Variants in SPNS3 observed in about 807,000 individuals in gnomAD.
SPNS3 encodes the protein SPNS lysolipid transporter 3, sphingosine-1-phosphate (putative).
Under a neutral mutation model 54.4 loss-of-function variants are expected in SPNS3, and 51 were observed. The observed-to-expected ratio is 0.94, with a 90% CI of 0.75 to 1.18. The LOEUF (loss-of-function observed/expected upper bound fraction) is 1.18. Ranked by LOEUF, SPNS3 falls within the 50% of genes most tolerant of loss-of-function variation. The pLI is 0.00. For missense variants in SPNS3, 669 were observed against 677.4 expected (o/e 0.99, Z 0.14); for synonymous variants, 309 against 294.7 (o/e 1.05, Z -0.50).
At chr17:4,476,605 A>C (rs1261160258) in intron 8 of SPNS3, among the ~76,000 whole-genome samples, 28 of 152,068 alleles carry the variant, frequency 1.8e-4, no homozygotes, top group Admixed American at 1.8e-3. Flanking sequence ...TGGCCCCAGG[A>C]GGCAGCTGGC....
At chr17:4,466,055 C>T (rs770488847) in intron 8 of SPNS3, among the ~76,000 whole-genome samples, 32 of 152,214 alleles carry the variant, frequency 2.1e-4, no homozygotes, top group Admixed American at 5.9e-4. Context: ...TGCTTGAGAT[C>T]TCAAAGGGCC....
chr17:4,459,821 C>A (rs553020508), intron 8 of SPNS3, among the ~76,000 whole-genome samples: 1 of 151,804 alleles, frequency 6.6e-6, no homozygotes, highest in African/African-American at 2.4e-5. Flanking sequence ...AGATAGATAA[C>A]AAACAAGATA....
chr17:4,474,721 T>A (rs1201179726), intron 8 of SPNS3, among the ~76,000 whole-genome samples: 1 of 152,170 alleles, frequency 6.6e-6, no homozygotes, highest in Non-Finnish European at 1.5e-5. Flanking sequence ...TGTGTGTGTG[T>A]GTGAGAGCAT....
intron 8 of SPNS3, among the ~76,000 whole-genome samples, chr17:4,455,566 C>T (rs11078511): frequency 6.6e-6 from 1 of 152,028 alleles, no homozygotes; most frequent in Non-Finnish European, 1.5e-5. Flanking sequence ...TGTCTTGCCC[C>T]GGTAGGCAAT....
chr17:4,459,738 G>A (rs1197431171), intron 8 of SPNS3, among the ~76,000 whole-genome samples: 2 of 152,088 alleles, frequency 1.3e-5, no homozygotes, highest in African/African-American at 4.8e-5. Context: ...ATAAACCAAT[G>A]CCGTAGATAT....
At chr17:4,477,117 T>C (rs1308752656) in intron 8 of SPNS3, among the ~76,000 whole-genome samples, 2 of 152,172 alleles carry the variant, frequency 1.3e-5, no homozygotes, top group Admixed American at 1.3e-4. Context: ...CACTCCCCTC[T>C]TCCCCCCGTG....
rs1756601129 is a variant in SPNS3 at position 4,483,305 on chromosome 17, CAGAAT to C, written c.1180-2919_1180-2915del. On this transcript the variant is annotated intron_variant, in intron 9 of 11. Transcript: ENST00000355530. The surrounding 1 kb of genome is among the most constrained non-coding windows in gnomAD (Gnocchi z 4.2). ...GCCAGAAACAGAGGTGTTTTTGTCT[CAGAAT>C]AGAGTGAGCCTGGATTTTTGGGAAC... The C allele has an allele frequency of 6.6e-6, 1 of 152,208 alleles. No individual in the cohort carries two copies. The highest frequency in any genetic ancestry group is 2.1e-4 in the South Asian group (1 of 4,834). The allele number at this position is 152,208 out of a possible 1,614,324, so 9.4% of individuals were successfully genotyped here.
chr17:4,437,979 G>A (rs1191095400), intron 1 of SPNS3, among the ~76,000 whole-genome samples: 1 of 151,958 alleles, frequency 6.6e-6, no homozygotes, highest in Non-Finnish European at 1.5e-5. Flanking sequence ...AATAGAGATG[G>A]GATTTCACTG....
chr17:4,486,151 G>A lies in SPNS3; in HGVS notation c.1180-77G>A. ...GAATGGCCTGTCACTCCTCCAGGCA[G>A]GTCCTTGGCAGGTGGGGAACAGCAG... On this transcript the variant is annotated intron_variant, in intron 9 of 11. Transcript: ENST00000355530. The surrounding 1 kb of genome is among the most constrained non-coding windows in gnomAD (Gnocchi z 5.5). 1 of 1,328,466 alleles carries A rather than the reference G, an allele frequency of 7.5e-7. No homozygotes were observed. The highest frequency in any genetic ancestry group is 1.0e-6 in the Non-Finnish European group (1 of 997,458). 82.3% of individuals were successfully genotyped at this position (1,328,466 alleles called of 1,614,324 possible).
intron 9 of SPNS3, among the ~76,000 whole-genome samples, chr17:4,482,915 G>C (rs770797024): frequency 1.2e-4 from 18 of 152,324 alleles, no homozygotes; most frequent in African/African-American, 3.6e-4. Context: ...CAACCAGTTG[G>C]GGGGCTAGAG....
Position 4,449,183 on chromosome 17 carries a change from C to T in SPNS3, c.771-52C>T, listed in dbSNP as rs113239853. 62 of 1,583,356 alleles carry T rather than the reference C, an allele frequency of 3.9e-5. 1 individual carries two copies. The highest frequency in any genetic ancestry group is 1.8e-4 in the African/African-American group (13 of 73,464). On this transcript the variant is annotated intron_variant, in intron 6 of 11. Transcript: ENST00000355530. ...CAGGAGTGGGGAGGAGTGGACAGGC[C>T]CCTTCAGCCCCAGCCCTCTCCCAAC... is the stretch of plus-strand genomic sequence containing the variant.
chr17:4,447,959 A>AGTG, intron 5 of SPNS3, among the ~76,000 whole-genome samples, 196 bp from the exon 6 acceptor site: 1 of 152,190 alleles, frequency 6.6e-6, no homozygotes, highest in East Asian at 1.9e-4. Flanking sequence ...GAAAGGCTGC[A>AGTG]GTGGTGAGGG....
At chr17:4,475,660 T>C (rs924023) in intron 8 of SPNS3, among the ~76,000 whole-genome samples, 97,941 of 151,996 alleles carry the variant, frequency 0.64, 31,822 homozygotes, top group East Asian at 0.86. Context: ...ACAGAGATGT[T>C]TGGGGACAGG....
At chr17:4,466,118 C>G (rs1971668820) in intron 8 of SPNS3, among the ~76,000 whole-genome samples, 1 of 152,250 alleles carries the variant, frequency 6.6e-6, no homozygotes, top group Non-Finnish European at 1.5e-5. Context: ...CCAGGAAAAG[C>G]AGCAATGTCC....
intron 8 of SPNS3, among the ~76,000 whole-genome samples, chr17:4,461,416 C>A (rs1484145127): frequency 9.9e-6 from 1 of 101,082 alleles, no homozygotes; most frequent in Non-Finnish European, 1.9e-5. Context: ...GTTTCCCAGG[C>A]TTGAGCTCCT....
At chr17:4,464,525 C>G (rs576292225) in intron 8 of SPNS3, among the ~76,000 whole-genome samples, 1 of 152,122 alleles carries the variant, frequency 6.6e-6, no homozygotes, top group South Asian at 2.1e-4. Context: ...ACCTGGCCAT[C>G]ATTCCTTCTT....
Position 4,453,129 on chromosome 17 carries a change from C to T in SPNS3, c.1037C>T (p.Ala346Val), listed in dbSNP as rs1385755502. 7 of 1,614,016 alleles carry T rather than the reference C, an allele frequency of 4.3e-6. No homozygotes were observed. Among genetic ancestry groups the T allele is most frequent in the Non-Finnish European group, 5.9e-6 (7 of 1,180,032 alleles). ...CCAGGAGCTGAGCCCCTCATCTGCG[C>T]CTCCAGCCTGCTTGCCACAGCCCCC... ...VIPGAEPLICASSLLATAPCL... is the reference protein window; with the variant it reads ...VIPGAEPLICVSSLLATAPCL... The change falls in exon 8 of 12, where the codon GCC becomes GTC. Residue 346 changes from alanine to valine, a missense_variant. Physicochemically the swap from Ala to Val is moderately conservative, Grantham distance 64. Coordinates refer to ENST00000355530, the MANE Select transcript of SPNS3 (RefSeq NM_182538.5).
chr17:4,457,754 C>T (rs1416708965), intron 8 of SPNS3, among the ~76,000 whole-genome samples: 2 of 152,328 alleles, frequency 1.3e-5, no homozygotes, highest in African/African-American at 4.8e-5. Context: ...CCCCCTCACC[C>T]CCTGCACCCT....
At chr17:4,466,227 G>A (rs1396346038) in intron 8 of SPNS3, among the ~76,000 whole-genome samples, 1 of 152,194 alleles carries the variant, frequency 6.6e-6, no homozygotes, top group Admixed American at 6.5e-5. Context: ...GTATGTGTGT[G>A]TAATACAATA....
Sources: allele counts gnomAD v4.1 joint callset (sites outside exome capture counted in the v4.1 genomes callset), GRCh38; gene constraint gnomAD v4.1.1; non-coding constraint Gnocchi (gnomAD v3.1); transcripts MANE v1.5; gene names NCBI Gene and HGNC (gene_info 2026-07-23, HGNC 2026-07-21).